The following ANKRD52 variants were observed in gnomAD, a reference collection of about 807,000 sequenced individuals.
The protein encoded by ANKRD52 is serine/threonine-protein phosphatase 6 regulatory ankyrin repeat subunit C.
ANKRD52 carries 7 observed loss-of-function variants against 116.0 expected under a neutral mutation model. The observed-to-expected ratio is 0.06, with a 90% CI of 0.03 to 0.11. ANKRD52 has a LOEUF of 0.11. ANKRD52 is among the 10% of genes least tolerant of loss of function. The pLI is 1.00. For missense variants in ANKRD52, 839 were observed against 1,408.6 expected, an observed-to-expected ratio of 0.60 and a Z score of 6.47; for synonymous variants, 528 against 578.1, an observed-to-expected ratio of 0.91 and a Z score of 1.24.
chr12:56,256,866 G>C, intron 4 of ANKRD52, 149 bp downstream of exon 4: 1 of 795,954 alleles, frequency 1.3e-6, no homozygotes, highest in South Asian at 2.0e-5. Flanking sequence ...CCAGTTCTAG[G>C]GGTAGGAGGA....
chr12:56,245,054 C>T (rs1288223519), intron 22 of ANKRD52, 49 bp downstream of exon 22: 3 of 1,613,048 alleles, frequency 1.9e-6, no homozygotes, highest in Non-Finnish European at 2.5e-6. Context: ...GTCCTAAGCT[C>T]AAGTCATGGG....
In ANKRD52 at chr12:56,254,818, G is replaced by A; in HGVS notation, c.550+47C>T. On this transcript the variant is annotated intron_variant, in intron 6 of 27. Coordinates refer to ENST00000267116, the MANE Select transcript of ANKRD52 (RefSeq NM_173595.4). This position sits in a 1 kb window ranked among gnomAD's most constrained non-coding sequence, Gnocchi z 4.6. ...CTGCAACCCCACATCCCTGCCCTAG[G>A]AATCCTAAATGTCAAATTTCTGATT... is the stretch of plus-strand genomic sequence containing the variant. The A allele has an allele frequency of 1.2e-6, 2 of 1,604,050 alleles. No individual in the cohort carries two copies. Among genetic ancestry groups the A allele is most frequent in the Non-Finnish European group, 1.7e-6 (2 of 1,171,310 alleles).
rs948809459 is a variant in ANKRD52, at chr12:56,255,185, C to G, written c.463-233G>C. The G allele has an allele frequency of 1.5e-5, 6 of 389,378 alleles. No homozygotes were observed. Among genetic ancestry groups the G allele is most frequent in the South Asian group, 1.0e-4 (2 of 19,284 alleles). 24.1% of individuals were successfully genotyped at this position (389,378 alleles called of 1,614,324 possible). A position where few individuals can be genotyped will look rare whatever the true frequency, so the allele number is the denominator to read the frequency against. ...AGTCTCTTCAGGTGATCTGGTGGTT[C>G]TTAAACTCTTTTTTTTTTTTTTTTT... On this transcript the variant is annotated intron_variant, in intron 5 of 27. Coordinates refer to ENST00000267116, the MANE Select transcript of ANKRD52 (RefSeq NM_173595.4). The surrounding 1 kb of genome is among the most constrained non-coding windows in gnomAD (Gnocchi z 4.3).
chr12:56,244,700 G>A lies in ANKRD52; in HGVS notation c.2674C>T (p.Arg892Cys), dbSNP rs752022318. 3.4e-5 allele frequency: 55 copies of A among 1,613,824 alleles called. No individual in the cohort carries two copies. The highest frequency in any genetic ancestry group is 4.3e-5 in the Non-Finnish European group (51 of 1,179,910). The change falls in exon 24 of 28, where the codon CGC (arginine) becomes TGC (cysteine). Residue 892 changes from arginine to cysteine, a missense_variant. Arg to Cys is a radical substitution (Grantham distance 180, BLOSUM62 -3). Coordinates refer to ENST00000267116, the MANE Select transcript of ANKRD52 (RefSeq NM_173595.4). The surrounding 1 kb of genome is among the most constrained non-coding windows in gnomAD (Gnocchi z 4.9). Reference protein sequence around the residue: ...AEVNATDHTGRTALMTAAENG... With the variant: ...AEVNATDHTGCTALMTAAENG... The stretch of plus-strand genomic sequence containing the variant: ...TCAGCCGCCGTCATGAGCGCAGTGC[G>A]GCCAGTGTGGTCAGTGGCGTTCACC...
At chr12:56,256,802 G>T (rs983628172) in intron 4 of ANKRD52, among the ~76,000 whole-genome samples, 3 of 152,170 alleles carry the variant, frequency 2.0e-5, no homozygotes, top group Non-Finnish European at 4.4e-5. Flanking sequence ...TGCCAGCCCA[G>T]TGTTAAGCTC....
intron 2 of ANKRD52, 79 bp downstream of exon 2, chr12:56,257,749 G>A: frequency 1.4e-6 from 2 of 1,386,344 alleles, no homozygotes; most frequent in South Asian, 1.2e-5. Flanking sequence ...GAGACACGGA[G>A]CCGCCCCACC....
At position 56,253,202 on chromosome 12, in the gene ANKRD52, G is replaced by A. The variant is rs998614038; in HGVS notation, c.1100+86C>T. ...AGGAGGTTCTCCAAGGTGCCCTTTG[G>A]CAAGCTTATCTGTGCCTCCATGGTT... On this transcript the variant is annotated intron_variant, in intron 10 of 27. Coordinates refer to ENST00000267116, the MANE Select transcript of ANKRD52 (RefSeq NM_173595.4). The surrounding 1 kb of genome is among the most constrained non-coding windows in gnomAD (Gnocchi z 5.5). 53 of 1,491,304 alleles carry A rather than the reference G, an allele frequency of 3.6e-5. No individual in the cohort carries two copies. The Middle Eastern group carries it at 5.4e-4, about 15-fold the overall frequency. The allele number at this position is 1,491,304 out of a possible 1,614,324, so 92.4% of individuals were successfully genotyped here.
At position 56,253,262 on chromosome 12, in the gene ANKRD52, G is replaced by A; in HGVS notation, c.1100+26C>T. The A allele has an allele frequency of 1.2e-6, 2 of 1,600,354 alleles. No individual in the cohort carries two copies. Among genetic ancestry groups the A allele is most frequent in the Non-Finnish European group, 1.7e-6 (2 of 1,169,222 alleles). On this transcript the variant is annotated intron_variant, in intron 10 of 27. Coordinates refer to ENST00000267116, the MANE Select transcript of ANKRD52 (RefSeq NM_173595.4). The surrounding 1 kb of genome is among the most constrained non-coding windows in gnomAD (Gnocchi z 5.5). ...AGTCTGTGCAGATCTGGGCAGCCCA[G>A]AAGTGGAGTCGGGGCCCTGACTCAC...
chr12:56,257,422 C>T, intron 2 of ANKRD52, 61 bp from the exon 3 acceptor site: 1 of 1,403,636 alleles, frequency 7.1e-7, no homozygotes, highest in Non-Finnish European at 9.9e-7. Context: ...TCAAGGACCC[C>T]AGCCCAAGTC....
intron 18 of ANKRD52, 77 bp downstream of exon 18, chr12:56,247,941 TACTCC>T: frequency 7.0e-7 from 1 of 1,433,136 alleles, no homozygotes; most frequent in Non-Finnish European, 9.5e-7. Flanking sequence ...CTCCTCACCC[TACTCC>T]ACTTTCCAGC....
Position 56,255,191 on chromosome 12 carries a change from C to CT in ANKRD52, c.463-240dup. On this transcript the variant is annotated intron_variant, in intron 5 of 27. Transcript: ENST00000267116. The surrounding 1 kb of genome is among the most constrained non-coding windows in gnomAD (Gnocchi z 4.3). ...TTCAGGTGATCTGGTGGTTCTTAAA[C>CT]TCTTTTTTTTTTTTTTTTTGAGACA... is the stretch of plus-strand genomic sequence containing the variant. 2.6e-6 allele frequency: 1 copy of CT among 388,990 alleles called. No individual in the cohort carries two copies. The allele number at this position is 388,990 out of a possible 1,614,324, so 24.1% of individuals were successfully genotyped here.
Position 56,241,821 on chromosome 12 carries a change from CT to C in ANKRD52, c.*1320del. ...CTACATTTAGAGAGAAAACTGCCCC[CT>C]CTTCACTCCAGCCCAGTTTGGCTTT... On this transcript the variant is annotated 3_prime_UTR_variant, in exon 28 of 28. Transcript: ENST00000267116. 1 of 396,762 alleles carries C rather than the reference CT, an allele frequency of 2.5e-6. No individual in the cohort carries two copies. The allele number at this position is 396,762 out of a possible 1,614,324, so 24.6% of individuals were successfully genotyped here.
chr12:56,244,623 C>A lies in ANKRD52; in HGVS notation c.2722+29G>T, dbSNP rs1208258296. 6.2e-7 allele frequency: 1 copy of A among 1,612,400 alleles called. No homozygotes were observed. The highest frequency in any genetic ancestry group is 8.5e-7 in the Non-Finnish European group (1 of 1,179,388). On this transcript the variant is annotated intron_variant, in intron 24 of 27. Transcript: ENST00000267116. This position sits in a 1 kb window ranked among gnomAD's most constrained non-coding sequence, Gnocchi z 4.9. ...ATCCTGCAAATGCCCCAGGGGAGCT[C>A]CTCCCTTCCACAAGTGGCCCCTACA... is the stretch of plus-strand genomic sequence containing the variant.
In ANKRD52 at chr12:56,254,414, C is replaced by A; in HGVS notation, c.694-135G>T. On this transcript the variant is annotated intron_variant, in intron 7 of 27. Coordinates refer to ENST00000267116, the MANE Select transcript of ANKRD52 (RefSeq NM_173595.4). This position sits in a 1 kb window ranked among gnomAD's most constrained non-coding sequence, Gnocchi z 4.6. ...GTTTATGACCCAAGGTACTAAGGTA[C>A]TAAGGGCACTATGGCTAAGGTAAGC... The A allele has an allele frequency of 7.0e-7, 1 of 1,429,982 alleles. No individual in the cohort carries two copies. Among genetic ancestry groups the A allele is most frequent in the Non-Finnish European group, 9.5e-7 (1 of 1,051,418 alleles). The allele number at this position is 1,429,982 out of a possible 1,614,324, so 88.6% of individuals were successfully genotyped here. A position where few individuals can be genotyped will look rare whatever the true frequency, so the allele number is the denominator to read the frequency against.
rs1433819478 is a variant in ANKRD52 at position 56,252,772 on chromosome 12, G to T, written c.1301+8C>A. The T allele has an allele frequency of 4.3e-6, 7 of 1,612,198 alleles. No individual in the cohort carries two copies. The highest frequency in any genetic ancestry group is 5.9e-6 in the Non-Finnish European group (7 of 1,178,986). ...GCTCAAAGCATGGGAGAGAGAAAGA[G>T]AACTCACCCTCCGGAAGCAGCAGCA... On this transcript the variant is annotated splice_region_variant and intron_variant, in intron 12 of 27. Coordinates refer to ENST00000267116, the MANE Select transcript of ANKRD52 (RefSeq NM_173595.4). The surrounding 1 kb of genome is among the most constrained non-coding windows in gnomAD (Gnocchi z 4.7).
chr12:56,251,802 T>G (rs571482190), intron 15 of ANKRD52, among the ~76,000 whole-genome samples: 8 of 150,200 alleles, frequency 5.3e-5, no homozygotes, highest in South Asian at 4.2e-4. Flanking sequence ...TACTTTTGGG[T>G]TTTTTTTTCC....
chr12:56,238,013 G>C lies in ANKRD52; in HGVS notation c.*5129C>G. On this transcript the variant is annotated 3_prime_UTR_variant, in exon 28 of 28. Coordinates refer to ENST00000267116, the MANE Select transcript of ANKRD52 (RefSeq NM_173595.4). ...CTTTAGCCCAGGGAGGGGAGGGGTG[G>C]GGCAAATGCACCGAGGTCCCCACTT... The C allele has an allele frequency of 3.1e-6, 1 of 320,762 alleles. No homozygotes were observed. The highest frequency in any genetic ancestry group is 1.3e-4 in the South Asian group (1 of 7,892). 19.9% of individuals were successfully genotyped at this position (320,762 alleles called of 1,614,324 possible).
In ANKRD52 at chr12:56,241,978, C is replaced by T. The variant is rs1482676476; in HGVS notation, c.*1164G>A. The stretch of plus-strand genomic sequence containing the variant: ...TCTAGGTCAGAGCTTCTTCCTCACA[C>T]TGGAGGGGAAGCCTGGGTCCCGAGT... On this transcript the variant is annotated 3_prime_UTR_variant, in exon 28 of 28. Coordinates refer to ENST00000267116, the MANE Select transcript of ANKRD52 (RefSeq NM_173595.4). 2 of 398,518 alleles carry T rather than the reference C, an allele frequency of 5.0e-6. No homozygotes were observed. Among genetic ancestry groups the T allele is most frequent in the Non-Finnish European group, 8.8e-6 (2 of 226,092 alleles). The allele number at this position is 398,518 out of a possible 1,614,324, so 24.7% of individuals were successfully genotyped here.
At position 56,237,807 on chromosome 12, in the gene ANKRD52, T is replaced by A; in HGVS notation, c.*5335A>T. ...GAATGGAGGCGGGACACAGGGCCAG[T>A]AGGAGCAATAGGATTTTAATAAACA... On this transcript the variant is annotated 3_prime_UTR_variant, in exon 28 of 28. Coordinates refer to ENST00000267116, the MANE Select transcript of ANKRD52 (RefSeq NM_173595.4). The A allele has an allele frequency of 6.9e-7, 1 of 1,441,104 alleles. No individual in the cohort carries two copies. The allele number at this position is 1,441,104 out of a possible 1,614,324, so 89.3% of individuals were successfully genotyped here. A position where few individuals can be genotyped will look rare whatever the true frequency, so the allele number is the denominator to read the frequency against.
Sources: allele counts gnomAD v4.1 joint callset (sites outside exome capture counted in the v4.1 genomes callset), GRCh38; gene constraint gnomAD v4.1.1; non-coding constraint Gnocchi (gnomAD v3.1); transcripts MANE v1.5; gene names NCBI Gene and HGNC (gene_info 2026-07-23, HGNC 2026-07-21).